Variants in ANKFN1 observed in about 807,000 individuals in gnomAD.
The protein encoded by ANKFN1 is ankyrin repeat and fibronectin type-III domain-containing protein 1.
A neutral mutation model predicts 108.7 loss-of-function variants in ANKFN1; 74 were observed. The ratio of observed to expected loss-of-function variants is 0.68; its 90% CI spans 0.56 to 0.83. ANKFN1 has a LOEUF of 0.83. Among genes scored for constraint, ANKFN1 ranks in the 40% least tolerant of loss-of-function variants. The probability of loss-of-function intolerance (pLI) is 0.00; values close to 1 mark genes in which losing one functional copy is unlikely to be tolerated. For missense variants in ANKFN1, 1,505 were observed against 1,382.3 expected (o/e 1.09, Z -1.41); for synonymous variants, 547 against 516.2 (o/e 1.06, Z -0.81).
chr17:56,424,133 G>C (rs752204868), intron 8 of ANKFN1, among the ~76,000 whole-genome samples: 15 of 152,150 alleles, frequency 9.9e-5, no homozygotes, highest in Non-Finnish European at 1.9e-4. Context: ...AGGGTAGAAG[G>C]TGGGTGCACT....
chr17:56,103,428 A>T (rs1905686160), intron 4 of ANKFN1, among the ~76,000 whole-genome samples: 1 of 152,204 alleles, frequency 6.6e-6, no homozygotes, highest in African/African-American at 2.4e-5. Flanking sequence ...TCTAGAGAAC[A>T]TCTGCTGGAG....
At chr17:56,157,168 G>A (rs978055107) in intron 1 of ANKFN1, among the ~76,000 whole-genome samples, 1 of 152,172 alleles carries the variant, frequency 6.6e-6, no homozygotes, top group African/African-American at 2.4e-5. Flanking sequence ...TGGTCACCTG[G>A]CAGGGGACAG....
intron 2 of ANKFN1, among the ~76,000 whole-genome samples, chr17:56,220,808 G>A (rs1213357729): frequency 1.9e-4 from 13 of 66,898 alleles, no homozygotes; most frequent in African/African-American, 1.1e-3. Context: ...GGGAGGGAGG[G>A]AGGAAGGAAG....
intron 1 of ANKFN1, among the ~76,000 whole-genome samples, chr17:56,167,475 C>T (rs1990497): frequency 0.12 from 17,994 of 151,804 alleles, 1,384 homozygotes; most frequent in East Asian, 0.3. Context: ...TGAAAGCTGG[C>T]ATGGTGTGGT....
chr17:56,052,866 G>C (rs1482946913), intron 4 of ANKFN1, among the ~76,000 whole-genome samples: 1 of 152,178 alleles, frequency 6.6e-6, no homozygotes, highest in Non-Finnish European at 1.5e-5. Context: ...CATTGCAGAA[G>C]AGAAAAGGGT....
chr17:56,461,120 C>T (rs73991541), intron 14 of ANKFN1, among the ~76,000 whole-genome samples: 4,386 of 152,248 alleles, frequency 0.029, 184 homozygotes, highest in African/African-American at 0.1. Context: ...AAGCATTTCT[C>T]GCAAACTTTC....
chr17:56,102,583 A>G (rs1440511878), intron 4 of ANKFN1, among the ~76,000 whole-genome samples: 2 of 151,982 alleles, frequency 1.3e-5, no homozygotes, highest in Non-Finnish European at 2.9e-5. Flanking sequence ...GACAAGCATT[A>G]GAATCCACTG....
At position 56,511,000 on chromosome 17, in the gene ANKFN1, C is replaced by T. The variant is rs1228592171; in HGVS notation, c.3172C>T (p.Leu1058Phe). 5 of 1,536,014 alleles carry T rather than the reference C, an allele frequency of 3.3e-6. No homozygotes were observed. Among genetic ancestry groups the T allele is most frequent in the Non-Finnish European group, 3.5e-6 (4 of 1,146,872 alleles). The change falls in exon 21 of 21, where the codon CTT becomes TTT. Residue 1058 changes from leucine (L) to phenylalanine (F), a missense_variant. Leu to Phe is a conservative substitution (Grantham distance 22, BLOSUM62 0). Coordinates refer to ENST00000682825, the MANE Select transcript of ANKFN1 (RefSeq NM_001370326.1). ...GGAGGCCAAGCGGGCCGGCCCTGCC[C>T]TTGATGATCCCAGGGGCCTAACTCT... is the stretch of plus-strand genomic sequence containing the variant. ...PKEAKRAGPA[L>F]DDPRGLTLAH...
chr17:56,425,741 T>C (rs530855968), intron 8 of ANKFN1, among the ~76,000 whole-genome samples: 15 of 152,340 alleles, frequency 9.8e-5, no homozygotes, highest in African/African-American at 3.4e-4. Context: ...TAGCAAGTTA[T>C]CCCTAACCAC....
At chr17:56,382,740 A>G (rs2047143451) in intron 8 of ANKFN1, among the ~76,000 whole-genome samples, 1 of 152,258 alleles carries the variant, frequency 6.6e-6, no homozygotes, top group South Asian at 2.1e-4. Flanking sequence ...GAAGGCCATT[A>G]CATAATGGTA....
intron 3 of ANKFN1, among the ~76,000 whole-genome samples, chr17:56,288,318 A>G (rs1437849648): frequency 6.6e-6 from 1 of 152,080 alleles, no homozygotes. Flanking sequence ...TCCTCCCTTT[A>G]TACAAAAGAC....
chr17:56,250,076 A>G (rs1188104855), intron 3 of ANKFN1, among the ~76,000 whole-genome samples: 1 of 152,174 alleles, frequency 6.6e-6, no homozygotes, highest in Non-Finnish European at 1.5e-5. Context: ...GCATATCCAT[A>G]GGAACAGAGG....
intron 3 of ANKFN1, among the ~76,000 whole-genome samples, chr17:56,251,640 GCA>G (rs1157031780): frequency 6.6e-6 from 1 of 152,054 alleles, no homozygotes; most frequent in Admixed American, 6.6e-5. Flanking sequence ...CCTCAGAACT[GCA>G]CAGTGTTTAT....
rs574920934 is a variant in ANKFN1, at chr17:56,515,199, A to G, written c.*3930A>G. Among the ~76,000 whole-genome samples the G allele has an allele frequency of 5.9e-5, 9 of 152,168 alleles. No individual in the cohort carries two copies. Among genetic ancestry groups the G allele is most frequent in the South Asian group, 2.1e-4 (1 of 4,836 alleles). ...GTTAGGAAGGTGATGACATTTTTCT[A>G]CAGCTCTCTCAACTTCGTATGTAGC... On this transcript the variant is annotated 3_prime_UTR_variant, in exon 21 of 21. Transcript: ENST00000682825.
intron 4 of ANKFN1, among the ~76,000 whole-genome samples, chr17:56,104,959 A>G (rs1389885702): frequency 6.6e-6 from 1 of 152,192 alleles, no homozygotes; most frequent in Non-Finnish European, 1.5e-5. Flanking sequence ...GATGAGTGAG[A>G]GGTGATCTTT....
At chr17:56,160,612 TG>T (rs1257060067) in intron 1 of ANKFN1, among the ~76,000 whole-genome samples, 1 of 152,122 alleles carries the variant, frequency 6.6e-6, no homozygotes, top group African/African-American at 2.4e-5. Context: ...AGGAAAAAAA[TG>T]GAACAGAGCT....
intron 4 of ANKFN1, among the ~76,000 whole-genome samples, chr17:56,095,714 G>C (rs942442576): frequency 1.3e-5 from 2 of 152,208 alleles, no homozygotes; most frequent in South Asian, 4.1e-4. Context: ...AGCATGTTGA[G>C]TTCCTTGTGA....
intron 8 of ANKFN1, among the ~76,000 whole-genome samples, chr17:56,424,393 A>C (rs552563012): frequency 6.6e-6 from 1 of 152,336 alleles, no homozygotes; most frequent in East Asian, 1.9e-4. Flanking sequence ...TGGCCCTCGC[A>C]TTCATTCACA....
intron 8 of ANKFN1, among the ~76,000 whole-genome samples, chr17:56,384,642 G>A (rs1448732416): frequency 6.6e-6 from 1 of 152,156 alleles, no homozygotes; most frequent in African/African-American, 2.4e-5. Context: ...CAAAATCAAT[G>A]TACAAAAATC....
Sources: gnomAD v4.1 joint callset for allele counts (sites outside exome capture counted in the v4.1 genomes callset) on GRCh38, gnomAD v4.1.1 for gene constraint, MANE v1.5 for transcripts, NCBI Gene and HGNC (gene_info 2026-07-23, HGNC 2026-07-21) for gene names.